CNOT4: variants seen among roughly 807,000 people sequenced by gnomAD.
CNOT4 encodes the protein CCR4-NOT transcription complex subunit 4.
CNOT4 carries 8 observed loss-of-function variants against 73.8 expected under a neutral mutation model. The ratio of observed to expected loss-of-function variants is 0.11; its 90% confidence interval spans 0.06 to 0.20. The LOEUF is 0.20. Among genes scored for constraint, CNOT4 ranks in the 10% least tolerant of loss-of-function variants. The pLI is 1.00. For synonymous variants in CNOT4, 293 were observed against 321.1 expected, an observed-to-expected ratio of 0.91 and a Z score of 0.94; for missense variants, 564 against 883.4, an observed-to-expected ratio of 0.64 and a Z score of 4.58.
chr7:135,466,130 A>G (rs1384436532), intron 1 of CNOT4, among the ~76,000 whole-genome samples: 1 of 152,008 alleles, frequency 6.6e-6, no homozygotes, highest in Non-Finnish European at 1.5e-5. Context: ...GTAAATATGT[A>G]CAATGTGTGT....
chr7:135,467,118 C>T (rs1460601318), intron 1 of CNOT4, among the ~76,000 whole-genome samples: 1 of 152,060 alleles, frequency 6.6e-6, no homozygotes. Flanking sequence ...ACGAAAGATC[C>T]TATTAGGCAT....
intron 1 of CNOT4, among the ~76,000 whole-genome samples, chr7:135,440,308 C>A: frequency 6.8e-6 from 1 of 147,368 alleles, no homozygotes. Context: ...AATGATCAAT[C>A]TTTAGTTAAC....
intron 10 of CNOT4, among the ~76,000 whole-genome samples, chr7:135,378,231 C>T (rs1489847111): frequency 1.3e-5 from 2 of 152,184 alleles, no homozygotes; most frequent in Non-Finnish European, 2.9e-5. Flanking sequence ...AGGCTGGGCG[C>T]AGTGGGTCAC....
chr7:135,479,833 T>C (rs1308580436), intron 1 of CNOT4, among the ~76,000 whole-genome samples: 3 of 152,074 alleles, frequency 2.0e-5, no homozygotes, highest in African/African-American at 7.2e-5. Flanking sequence ...GAGGCTGCAG[T>C]AAGCCAAGAT....
At chr7:135,453,485 C>A (rs1388138858) in intron 1 of CNOT4, among the ~76,000 whole-genome samples, 2 of 151,788 alleles carry the variant, frequency 1.3e-5, no homozygotes, top group Non-Finnish European at 2.9e-5. Context: ...CCTGCCACCA[C>A]TTCTGCAGTT....
chr7:135,374,538 T>C (rs905005716), intron 10 of CNOT4, among the ~76,000 whole-genome samples: 1 of 152,182 alleles, frequency 6.6e-6, no homozygotes, highest in Non-Finnish European at 1.5e-5. Flanking sequence ...ATGCTTTTTA[T>C]TATACTTAAC....
At chr7:135,493,343 A>G (rs1454198196) in intron 1 of CNOT4, among the ~76,000 whole-genome samples, 1 of 152,200 alleles carries the variant, frequency 6.6e-6, no homozygotes, top group Non-Finnish European at 1.5e-5. Flanking sequence ...TGTAGTTTCA[A>G]GTCTCAGTGC....
intron 1 of CNOT4, among the ~76,000 whole-genome samples, chr7:135,448,404 C>G (rs377716758): frequency 6.6e-6 from 1 of 151,778 alleles, no homozygotes; most frequent in Non-Finnish European, 1.5e-5. Context: ...ATTAGCCAGG[C>G]GTGGTGGCGG....
rs34112399 is a variant in CNOT4 at position 135,441,236 on chromosome 7, C to CA, written c.-92-2814dup. 1.3e-3 allele frequency among the ~76,000 whole-genome samples: 189 copies of CA among 148,398 alleles called. 3 individuals are homozygous for CA. The Middle Eastern group carries it at 0.014, about 11-fold the overall frequency. ...AAAAATCCATATTATCTAAATGCTGCAAAAAAAAATGTATTTTTTCACAAT... is the reference window on the plus strand; with the variant it reads ...AAAAATCCATATTATCTAAATGCTGCAAAAAAAAAATGTATTTTTTCACAAT... On this transcript the variant is annotated intron_variant, in intron 1 of 11. Transcript: ENST00000541284.
chr7:135,388,268 T>C (rs975209827), intron 10 of CNOT4: 1 of 985,346 alleles, frequency 1.0e-6, no homozygotes. Flanking sequence ...GATATAAATC[T>C]AGACAACTAA....
intron 10 of CNOT4, chr7:135,387,754 G>C (rs925389736): frequency 5.3e-5 from 52 of 977,450 alleles, no homozygotes; most frequent in Non-Finnish European, 6.0e-5. Flanking sequence ...TTCAAGAAAT[G>C]TGTTTTCAGA....
intron 8 of CNOT4, among the ~76,000 whole-genome samples, chr7:135,396,932 T>G (rs1796727281): frequency 6.6e-6 from 1 of 152,112 alleles, no homozygotes. Flanking sequence ...TTACTATTTA[T>G]TTTACTATAA....
intron 2 of CNOT4, among the ~76,000 whole-genome samples, chr7:135,437,485 G>A (rs929097802): frequency 3.3e-5 from 5 of 150,786 alleles, no homozygotes; most frequent in African/African-American, 9.7e-5. Flanking sequence ...CACCGCGCCC[G>A]GCCAGGAGGG....
intron 1 of CNOT4, among the ~76,000 whole-genome samples, chr7:135,475,682 G>C (rs1005678230): frequency 6.6e-6 from 1 of 152,212 alleles, no homozygotes; most frequent in African/African-American, 2.4e-5. Flanking sequence ...GGCCAAGGCA[G>C]GAGGACTGCT....
intron 1 of CNOT4, chr7:135,444,378 A>G: frequency 1.4e-6 from 1 of 692,780 alleles, no homozygotes; most frequent in South Asian, 1.5e-5. Flanking sequence ...GTGTCCATCA[A>G]TGGAGGCATA....
chr7:135,482,012 T>A (rs1183700130), intron 1 of CNOT4, among the ~76,000 whole-genome samples: 2 of 152,232 alleles, frequency 1.3e-5, no homozygotes, highest in Non-Finnish European at 2.9e-5. Flanking sequence ...TAACTTCTAA[T>A]GTTCAATAGC....
intron 5 of CNOT4, 28 bp downstream of exon 5, chr7:135,414,303 A>G: frequency 1.2e-6 from 1 of 838,496 alleles, no homozygotes; most frequent in Non-Finnish European, 2.0e-6. Flanking sequence ...CTTAAAAAAA[A>G]AAAAAAGAAT....
At chr7:135,446,518 G>T (rs1016043635) in intron 1 of CNOT4, among the ~76,000 whole-genome samples, 1 of 152,148 alleles carries the variant, frequency 6.6e-6, no homozygotes, top group African/African-American at 2.4e-5. Context: ...ATTTTGAAAT[G>T]ATTACTATAT....
At chr7:135,408,653 C>T (rs1419217868) in intron 7 of CNOT4, among the ~76,000 whole-genome samples, 1 of 152,140 alleles carries the variant, frequency 6.6e-6, no homozygotes, top group Non-Finnish European at 1.5e-5. Context: ...AACACTCACA[C>T]TCACTCACAA....
Sources: gnomAD v4.1 joint callset for allele counts (sites outside exome capture counted in the v4.1 genomes callset) on GRCh38, gnomAD v4.1.1 for gene constraint, MANE v1.5 for transcripts, NCBI Gene and HGNC (gene_info 2026-07-23, HGNC 2026-07-21) for gene names.